SLC16A7: variants seen among roughly 807,000 people sequenced by gnomAD.
The protein encoded by SLC16A7 is solute carrier family 16 member 7, also known as monocarboxylate transporter 2.
SLC16A7 carries 33 observed loss-of-function variants against 34.9 expected under a neutral mutation model. That is an observed-to-expected ratio of 0.94 (90% CI 0.72 to 1.26). SLC16A7 has a LOEUF of 1.26. SLC16A7 is among the 50% of genes most tolerant of loss of function. The pLI, the probability that SLC16A7 is intolerant of heterozygous loss-of-function variation, is 0.00. For synonymous variants in SLC16A7, 201 were observed against 206.6 expected (o/e 0.97, Z 0.23); for missense variants, 573 against 578.1 (o/e 0.99, Z 0.09).
intron 3 of SLC16A7, among the ~76,000 whole-genome samples, chr12:59,731,413 G>A (rs998470577): frequency 4.6e-5 from 7 of 152,178 alleles, no homozygotes; most frequent in Non-Finnish European, 7.3e-5. Flanking sequence ...GTTAAATGGT[G>A]AAAGATCACA....
At chr12:59,624,570 A>C (rs1879838208) in intron 1 of SLC16A7, among the ~76,000 whole-genome samples, 1 of 151,822 alleles carries the variant, frequency 6.6e-6, no homozygotes, top group Non-Finnish European at 1.5e-5. Context: ...GCATCACACA[A>C]CATTGTAAAC....
intron 2 of SLC16A7, among the ~76,000 whole-genome samples, chr12:59,704,407 GA>G (rs1873303929): frequency 1.3e-5 from 2 of 151,984 alleles, no homozygotes; most frequent in African/African-American, 2.4e-5. Flanking sequence ...ATCAATTAAT[GA>G]GGTTAAAACA....
chr12:59,685,068 A>G (rs527262076), intron 2 of SLC16A7, among the ~76,000 whole-genome samples: 2 of 152,172 alleles, frequency 1.3e-5, no homozygotes, highest in East Asian at 3.9e-4. Flanking sequence ...AAAGAAAAAG[A>G]GAAGTTTTTC....
intron 1 of SLC16A7, among the ~76,000 whole-genome samples, chr12:59,610,921 A>G (rs1259585824): frequency 6.6e-6 from 1 of 152,204 alleles, no homozygotes; most frequent in Admixed American, 6.5e-5. Flanking sequence ...CTTATAAACA[A>G]CACAATTTTT....
intron 3 of SLC16A7, among the ~76,000 whole-genome samples, chr12:59,732,480 C>A (rs967550387): frequency 6.6e-6 from 1 of 152,168 alleles, no homozygotes; most frequent in African/African-American, 2.4e-5. Flanking sequence ...GCTCCTGAAT[C>A]TTTTTGGCTT....
chr12:59,739,820 T>C (rs1054400937), intron 3 of SLC16A7, among the ~76,000 whole-genome samples: 1 of 152,216 alleles, frequency 6.6e-6, no homozygotes, highest in Admixed American at 6.5e-5. Context: ...TTTCATGTGT[T>C]TTTTGGCTGC....
intron 2 of SLC16A7, among the ~76,000 whole-genome samples, chr12:59,690,504 C>A (rs1871523659): frequency 6.6e-6 from 1 of 151,868 alleles, no homozygotes; most frequent in South Asian, 2.1e-4. Context: ...GGCTTTAATA[C>A]CATTGTCCAC....
At chr12:59,743,668 T>C (rs1434791884) in intron 3 of SLC16A7, among the ~76,000 whole-genome samples, 6 of 152,192 alleles carry the variant, frequency 3.9e-5, no homozygotes, top group African/African-American at 1.4e-4. Flanking sequence ...TTAAATATAT[T>C]TAGAAGCTAC....
intron 1 of SLC16A7, among the ~76,000 whole-genome samples, chr12:59,654,457 A>C (rs987904458): frequency 6.6e-6 from 1 of 151,782 alleles, no homozygotes; most frequent in African/African-American, 2.4e-5. Flanking sequence ...TCAAGTAAAG[A>C]AGTTGGACAG....
intron 1 of SLC16A7, among the ~76,000 whole-genome samples, chr12:59,652,967 T>G (rs1417026240): frequency 6.6e-6 from 1 of 151,862 alleles, no homozygotes; most frequent in Admixed American, 6.6e-5. Context: ...ACATTTTACT[T>G]CATTTTAGCT....
Position 59,781,295 on chromosome 12 carries a change from TA to T in SLC16A7, c.*1621del, listed in dbSNP as rs540108129. 8.4e-4 allele frequency: 128 copies of T among 152,660 alleles called. No individual in the cohort carries two copies. Among genetic ancestry groups the T allele is most frequent in the Middle Eastern group, 3.4e-3 (1 of 294 alleles). 9.5% of individuals were successfully genotyped at this position (152,660 alleles called of 1,614,324 possible). A position where few individuals can be genotyped will look rare whatever the true frequency, so the allele number is the denominator to read the frequency against. On this transcript the variant is annotated 3_prime_UTR_variant, in exon 6 of 6. Coordinates refer to ENST00000547379, the MANE Select transcript of SLC16A7 (RefSeq NM_001270623.2). The stretch of plus-strand genomic sequence containing the variant: ...AATCTGAAGTTTAACATGATTAATT[TA>T]AAAAGTATTTAGTGCTTGACAAAGT...
chr12:59,640,535 T>C (rs1880636189), intron 1 of SLC16A7, among the ~76,000 whole-genome samples: 1 of 151,980 alleles, frequency 6.6e-6, no homozygotes, highest in Non-Finnish European at 1.5e-5. Flanking sequence ...AAGAAAGTAG[T>C]GCTTTTCCTA....
At chr12:59,644,418 T>A (rs959421964) in intron 1 of SLC16A7, among the ~76,000 whole-genome samples, 1 of 152,000 alleles carries the variant, frequency 6.6e-6, no homozygotes, top group African/African-American at 2.4e-5. Flanking sequence ...AATACAAAAA[T>A]GAGCCGAACA....
intron 2 of SLC16A7, among the ~76,000 whole-genome samples, chr12:59,685,494 T>G (rs573600870): frequency 5.1e-4 from 78 of 152,214 alleles, no homozygotes; most frequent in African/African-American, 1.9e-3. Context: ...AGGAAATACA[T>G]TTTGGACTGT....
chr12:59,729,744 C>T (rs1404430840), intron 3 of SLC16A7, among the ~76,000 whole-genome samples: 2 of 152,086 alleles, frequency 1.3e-5, no homozygotes, highest in African/African-American at 4.8e-5. Flanking sequence ...CTTCATTTGT[C>T]ACTTAAAATT....
chr12:59,761,386 T>C (rs1880997900), intron 3 of SLC16A7, among the ~76,000 whole-genome samples: 3 of 152,142 alleles, frequency 2.0e-5, no homozygotes, highest in Non-Finnish European at 4.4e-5. Flanking sequence ...TAATGGCACA[T>C]ATAAAATCTC....
intron 2 of SLC16A7, among the ~76,000 whole-genome samples, chr12:59,699,539 T>A (rs576673401): frequency 1.3e-5 from 2 of 151,742 alleles, no homozygotes; most frequent in Non-Finnish European, 3.0e-5. Context: ...GTCCAGTATC[T>A]CTGAAGAATT....
In SLC16A7 at chr12:59,648,728, G is replaced by A. The variant is rs1051508710; in HGVS notation, c.-129-6424G>A. 2.6e-5 allele frequency among the ~76,000 whole-genome samples: 4 copies of A among 152,218 alleles called. No individual in the cohort carries two copies. In the East Asian group the frequency reaches 7.7e-4, roughly 29 times the overall value. ...ATTGAAATAAAATATTTTAGATTGCGTGAAATACAGGGAACTAATTGGTAA... is the reference window on the plus strand; with the variant it reads ...ATTGAAATAAAATATTTTAGATTGCATGAAATACAGGGAACTAATTGGTAA... On this transcript the variant is annotated intron_variant, in intron 1 of 5. Transcript: ENST00000547379.
At position 59,758,322 on chromosome 12, in the gene SLC16A7, A is replaced by G. The variant is rs202082417; in HGVS notation, c.218-12897A>G. On this transcript the variant is annotated intron_variant, in intron 3 of 5. Coordinates refer to ENST00000547379, the MANE Select transcript of SLC16A7 (RefSeq NM_001270623.2). ...ATAATTATTAGATTTTAATTTATTA[A>G]AGGATATTCTATATTTTCCAGCAGA... 3.9e-5 allele frequency among the ~76,000 whole-genome samples: 6 copies of G among 152,136 alleles called. No homozygotes were observed. In the East Asian group the frequency reaches 1.2e-3, roughly 29 times the overall value.
Sources: gnomAD v4.1 joint callset for allele counts (sites outside exome capture counted in the v4.1 genomes callset) on GRCh38, gnomAD v4.1.1 for gene constraint, MANE v1.5 for transcripts, NCBI Gene and HGNC (gene_info 2026-07-23, HGNC 2026-07-21) for gene names.